Variants in VAV3 observed in about 807,000 individuals in gnomAD.
VAV3 encodes the protein guanine nucleotide exchange factor VAV3.
In VAV3, 94 loss-of-function variants were observed where a neutral mutation model predicts 131.2. The ratio of observed to expected loss-of-function variants is 0.72; its 90% confidence interval spans 0.61 to 0.85. The LOEUF (loss-of-function observed/expected upper bound fraction) is 0.85, where lower values mean the gene tolerates loss of function less well. VAV3 is among the 40% of genes least tolerant of loss of function. The pLI is 0.00. For synonymous variants in VAV3, 349 were observed against 342.0 expected (o/e 1.02, Z -0.22); for missense variants, 939 against 1,002.7 (o/e 0.94, Z 0.86).
chr1:107,662,702 G>A (rs968263872), intron 19 of VAV3, among the ~76,000 whole-genome samples: 1 of 152,204 alleles, frequency 6.6e-6, no homozygotes, highest in African/African-American at 2.4e-5. Context: ...AAAGCTCTGC[G>A]AGGTACCATA....
intron 2 of VAV3, among the ~76,000 whole-genome samples, chr1:107,808,732 T>C (rs1051535562): frequency 1.3e-5 from 2 of 152,198 alleles, no homozygotes; most frequent in African/African-American, 4.8e-5. Flanking sequence ...GATGATTTTC[T>C]AGCTCCACAA....
intron 1 of VAV3, among the ~76,000 whole-genome samples, chr1:107,920,322 TACC>T (rs2101150971): frequency 6.6e-6 from 1 of 152,344 alleles, no homozygotes; most frequent in Admixed American, 6.5e-5. Context: ...AGTTCATCAT[TACC>T]ACACACAGGG....
chr1:107,794,770 T>C (rs980494590), intron 2 of VAV3, among the ~76,000 whole-genome samples: 1 of 152,172 alleles, frequency 6.6e-6, no homozygotes. Flanking sequence ...TGACTGTATG[T>C]GGTTAATCCA....
intron 1 of VAV3, among the ~76,000 whole-genome samples, chr1:107,962,975 T>C (rs1052383618): frequency 1.3e-5 from 2 of 152,252 alleles, no homozygotes; most frequent in African/African-American, 4.8e-5. Context: ...TTTTCATTAA[T>C]GATGCTTATA....
intron 1 of VAV3, among the ~76,000 whole-genome samples, chr1:107,900,894 TACTC>T (rs1033661036): frequency 9.2e-5 from 14 of 152,236 alleles, no homozygotes; most frequent in Admixed American, 5.2e-4. Context: ...GTTATTTTTT[TACTC>T]ACTCAGTCTT....
chr1:107,696,882 T>A (rs1297498281), intron 17 of VAV3, among the ~76,000 whole-genome samples: 1 of 152,126 alleles, frequency 6.6e-6, no homozygotes, highest in Non-Finnish European at 1.5e-5. Context: ...CAGCATTTCC[T>A]CCAAATCCTA....
chr1:107,776,719 T>C (rs1417795768), intron 4 of VAV3, among the ~76,000 whole-genome samples: 1 of 152,214 alleles, frequency 6.6e-6, no homozygotes, highest in African/African-American at 2.4e-5. Flanking sequence ...ATTTGTAATC[T>C]GTACAAGTCA....
rs142962035 is a variant in VAV3, at chr1:107,899,079, G to A, written c.205-24062C>T. Among the ~76,000 whole-genome samples, 1,132 of 152,264 alleles carry A rather than the reference G, an allele frequency of 7.4e-3. 7 individuals carry two copies. The highest frequency in any genetic ancestry group is 0.012 in the Admixed American group (178 of 15,296). Reference sequence around the variant, plus strand: ...CAAGTATATGATGAAGATGATGAAAGTATGTATGTGGTTCTGAGAGGGCAC... The same window carrying A: ...CAAGTATATGATGAAGATGATGAAAATATGTATGTGGTTCTGAGAGGGCAC... On this transcript the variant is annotated intron_variant, in intron 1 of 26. Coordinates refer to ENST00000370056, the MANE Select transcript of VAV3 (RefSeq NM_006113.5).
At chr1:107,587,930 G>A (rs1337697318) in intron 25 of VAV3, among the ~76,000 whole-genome samples, 1 of 152,114 alleles carries the variant, frequency 6.6e-6, no homozygotes. Context: ...GGTTATATGA[G>A]ACACTATAAA....
At chr1:107,608,990 T>C (rs1278045468) in intron 22 of VAV3, among the ~76,000 whole-genome samples, 1 of 152,202 alleles carries the variant, frequency 6.6e-6, no homozygotes, top group African/African-American at 2.4e-5. Context: ...TGTGTTCACA[T>C]TCTGCATTTT....
intron 1 of VAV3, among the ~76,000 whole-genome samples, chr1:107,939,331 T>C (rs182703036): frequency 2.4e-4 from 36 of 152,346 alleles, no homozygotes; most frequent in Non-Finnish European, 4.7e-4. Flanking sequence ...CTAGGCTTAC[T>C]ATGGTTCAAC....
chr1:107,749,640 A>G, intron 13 of VAV3, 46 bp from the exon 14 acceptor site: 2 of 1,575,972 alleles, frequency 1.3e-6, no homozygotes, highest in Non-Finnish European at 1.7e-6. Flanking sequence ...GTTTAGAAAC[A>G]TGGGTTATTA....
At chr1:107,825,817 T>C (rs1667986174) in intron 2 of VAV3, among the ~76,000 whole-genome samples, 2 of 152,214 alleles carry the variant, frequency 1.3e-5, no homozygotes, top group African/African-American at 4.8e-5. Context: ...CCCTCACTTT[T>C]GGATTTATCT....
At chr1:107,903,709 T>TC (rs1671975989) in intron 1 of VAV3, among the ~76,000 whole-genome samples, 1 of 152,144 alleles carries the variant, frequency 6.6e-6, no homozygotes, top group African/African-American at 2.4e-5. Context: ...GTTGAAAAAC[T>TC]CCATCTACCA....
chr1:107,581,355 C>T (rs1650038450), intron 25 of VAV3, among the ~76,000 whole-genome samples: 1 of 152,184 alleles, frequency 6.6e-6, no homozygotes, highest in East Asian at 1.9e-4. Context: ...AGCTAACATA[C>T]ATGGGGCATT....
chr1:107,577,528 T>C (rs925078578), intron 25 of VAV3, among the ~76,000 whole-genome samples: 2 of 152,232 alleles, frequency 1.3e-5, no homozygotes, highest in Admixed American at 6.5e-5. Flanking sequence ...GGTATAGCCA[T>C]ACAACCAAGT....
At chr1:107,917,955 C>A (rs1045740021) in intron 1 of VAV3, among the ~76,000 whole-genome samples, 1 of 151,958 alleles carries the variant, frequency 6.6e-6, no homozygotes, top group Non-Finnish European at 1.5e-5. Flanking sequence ...GATGCACAGA[C>A]CCAGGAATTA....
intron 2 of VAV3, among the ~76,000 whole-genome samples, chr1:107,860,167 C>T (rs1669669465): frequency 6.6e-6 from 1 of 152,072 alleles, no homozygotes; most frequent in Non-Finnish European, 1.5e-5. Context: ...ATCACCCAGG[C>T]GAGAATGCAG....
intron 20 of VAV3, among the ~76,000 whole-genome samples, chr1:107,633,490 C>T (rs1349591149): frequency 2.0e-5 from 3 of 152,266 alleles, no homozygotes; most frequent in East Asian, 3.9e-4. Flanking sequence ...GCCCTTGGAA[C>T]AGCTCACAAA....
Sources: allele counts gnomAD v4.1 joint callset (sites outside exome capture counted in the v4.1 genomes callset), GRCh38; gene constraint gnomAD v4.1.1; transcripts MANE v1.5; gene names NCBI Gene and HGNC (gene_info 2026-07-23, HGNC 2026-07-21).